NOS1AP: variants seen among roughly 807,000 people sequenced by gnomAD.
The protein encoded by NOS1AP is nitric oxide synthase 1 adaptor protein, also known as carboxyl-terminal PDZ ligand of neuronal nitric oxide synthase protein.
Under a neutral mutation model 56.2 loss-of-function variants are expected in NOS1AP, and 21 were observed. The observed-to-expected ratio is 0.37, with a 90% CI of 0.26 to 0.54. The LOEUF is 0.54. Among genes scored for constraint, NOS1AP ranks in the 20% least tolerant of loss-of-function variants. The probability of loss-of-function intolerance (pLI) is 0.84; values close to 1 mark genes in which losing one functional copy is unlikely to be tolerated. For missense variants in NOS1AP, 522 were observed against 657.8 expected, an observed-to-expected ratio of 0.79 and a Z score of 2.26; for synonymous variants, 270 against 274.6, an observed-to-expected ratio of 0.98 and a Z score of 0.17.
At chr1:162,243,825 C>G (rs781713039) in intron 2 of NOS1AP, among the ~76,000 whole-genome samples, 1 of 152,182 alleles carries the variant, frequency 6.6e-6, no homozygotes, top group Non-Finnish European at 1.5e-5. Context: ...CCTCATTTAA[C>G]CTGCAAAACA....
At chr1:162,113,799 C>A (rs951917847) in intron 1 of NOS1AP, among the ~76,000 whole-genome samples, 6 of 152,126 alleles carry the variant, frequency 3.9e-5, no homozygotes, top group African/African-American at 7.2e-5. Context: ...GGAGAGGACA[C>A]AAATCCAAAC....
intron 2 of NOS1AP, among the ~76,000 whole-genome samples, chr1:162,165,394 C>T (rs987649108): frequency 1.3e-5 from 2 of 152,196 alleles, no homozygotes; most frequent in Non-Finnish European, 2.9e-5. Context: ...TGAGTACAGA[C>T]TGCACTATGT....
intron 2 of NOS1AP, among the ~76,000 whole-genome samples, chr1:162,276,524 T>TA (rs200334461): frequency 0.032 from 4,174 of 129,206 alleles, 84 homozygotes; most frequent in Admixed American, 0.078. Flanking sequence ...CTGGGTAGCT[T>TA]AAAAAAAAAA....
intron 2 of NOS1AP, among the ~76,000 whole-genome samples, chr1:162,213,915 C>G (rs745357200): frequency 6.6e-6 from 1 of 152,226 alleles, no homozygotes; most frequent in Non-Finnish European, 1.5e-5. Context: ...CTAGAAGTAA[C>G]TTTACTTGTC....
chr1:162,267,445 A>T (rs772985301), intron 2 of NOS1AP, among the ~76,000 whole-genome samples: 1 of 146,934 alleles, frequency 6.8e-6, no homozygotes, highest in African/African-American at 2.4e-5. Context: ...GAAACAGTCA[A>T]TAAAGAGATT....
At chr1:162,127,793 C>T (rs1455484069) in intron 1 of NOS1AP, among the ~76,000 whole-genome samples, 1 of 152,144 alleles carries the variant, frequency 6.6e-6, no homozygotes, top group African/African-American at 2.4e-5. Context: ...CATGAGAAAC[C>T]CATTCCCATG....
intron 3 of NOS1AP, among the ~76,000 whole-genome samples, chr1:162,296,008 C>T (rs945678829): frequency 2.6e-5 from 4 of 151,948 alleles, no homozygotes; most frequent in East Asian, 3.9e-4. Flanking sequence ...CAACAGTGGC[C>T]GGGTGTGGTG....
intron 4 of NOS1AP, among the ~76,000 whole-genome samples, chr1:162,326,487 G>A (rs560759268): frequency 2.2e-4 from 33 of 152,300 alleles, no homozygotes; most frequent in African/African-American, 7.7e-4. Flanking sequence ...ATGTGTTTAT[G>A]TATAGGTACA....
At chr1:162,083,931 C>T (rs978779423) in intron 1 of NOS1AP, among the ~76,000 whole-genome samples, 1 of 152,148 alleles carries the variant, frequency 6.6e-6, no homozygotes, top group Non-Finnish European at 1.5e-5. Context: ...CTCAGCTGCT[C>T]ATTGGAATCT....
chr1:162,281,251 A>T lies in NOS1AP; in HGVS notation c.178-6093A>T, dbSNP rs568983085. Among the ~76,000 whole-genome samples, 5 of 152,366 alleles carry T rather than the reference A, an allele frequency of 3.3e-5. No individual in the cohort carries two copies. The South Asian group carries it at 1.0e-3, about 32-fold the overall frequency. Reference sequence around the variant, plus strand: ...CCTTGCACTTCGGAATGGAATCCAGATTTTAATAATTTGGTAATTAACTTC... The same window carrying T: ...CCTTGCACTTCGGAATGGAATCCAGTTTTTAATAATTTGGTAATTAACTTC... On this transcript the variant is annotated intron_variant, in intron 2 of 9. Transcript: ENST00000361897.
intron 1 of NOS1AP, among the ~76,000 whole-genome samples, chr1:162,130,289 G>T (rs1648693674): frequency 6.6e-6 from 1 of 152,224 alleles, no homozygotes; most frequent in East Asian, 1.9e-4. Flanking sequence ...CAGCCTGTAA[G>T]TGGCAGAACT....
At position 162,282,303 on chromosome 1, in the gene NOS1AP, C is replaced by G. The variant is rs537650566; in HGVS notation, c.178-5041C>G. 1.7e-3 allele frequency among the ~76,000 whole-genome samples: 252 copies of G among 152,240 alleles called. 1 individual carries two copies. Among genetic ancestry groups the G allele is most frequent in the African/African-American group, 5.7e-3 (236 of 41,548 alleles). Reference sequence around the variant, plus strand: ...ATTTGTCTCTGTAAGTTTGACAACCCTAGGGACTTCATATAAGTGGAATCA... The same window carrying G: ...ATTTGTCTCTGTAAGTTTGACAACCGTAGGGACTTCATATAAGTGGAATCA... On this transcript the variant is annotated intron_variant, in intron 2 of 9. Transcript: ENST00000361897.
intron 3 of NOS1AP, among the ~76,000 whole-genome samples, chr1:162,294,545 A>G (rs1044030871): frequency 1.3e-5 from 2 of 152,178 alleles, no homozygotes; most frequent in African/African-American, 2.4e-5. Flanking sequence ...GAAAATGTTT[A>G]CTAATCGAGA....
At chr1:162,098,717 T>G (rs1571008006) in intron 1 of NOS1AP, among the ~76,000 whole-genome samples, 1 of 152,188 alleles carries the variant, frequency 6.6e-6, no homozygotes, top group East Asian at 1.9e-4. Flanking sequence ...CTTGTGTCCA[T>G]GTGTTCTCAT....
chr1:162,188,515 T>G lies in NOS1AP; in HGVS notation c.177+34039T>G, dbSNP rs1010065725. ...ACTCTTGTTTGTGGGCTCTGATATA[T>G]GCCACACAGCCTACAACTCGACTCT... On this transcript the variant is annotated intron_variant, in intron 2 of 9. Coordinates refer to ENST00000361897, the MANE Select transcript of NOS1AP (RefSeq NM_014697.3). This position sits in a 1 kb window ranked among gnomAD's most constrained non-coding sequence, Gnocchi z 4.0. 2.0e-5 allele frequency among the ~76,000 whole-genome samples: 3 copies of G among 152,190 alleles called. No homozygotes were observed. The highest frequency in any genetic ancestry group is 7.2e-5 in the African/African-American group (3 of 41,456).
intron 6 of NOS1AP, among the ~76,000 whole-genome samples, chr1:162,345,837 G>A (rs1176790524): frequency 6.6e-6 from 1 of 152,208 alleles, no homozygotes; most frequent in Non-Finnish European, 1.5e-5. Context: ...TTAAAATGCT[G>A]AGCCTGGTGC....
chr1:162,178,893 A>G, intron 2 of NOS1AP, among the ~76,000 whole-genome samples: 1 of 152,192 alleles, frequency 6.6e-6, no homozygotes, highest in East Asian at 1.9e-4. Flanking sequence ...ACCAAAGTAA[A>G]AAGACTAGTT....
chr1:162,109,740 G>A (rs372961422), intron 1 of NOS1AP, among the ~76,000 whole-genome samples: 8 of 151,904 alleles, frequency 5.3e-5, no homozygotes, highest in South Asian at 2.1e-4. Context: ...TTGTACATCC[G>A]AGATAAGTTC....
intron 2 of NOS1AP, among the ~76,000 whole-genome samples, chr1:162,221,534 G>GCACACACACACA (rs35920520): frequency 4.6e-4 from 34 of 73,464 alleles, no homozygotes; most frequent in African/African-American, 1.0e-3. Context: ...ACACACGCGC[G>GCACACACACACA]CACACACACA....
Sources: gnomAD v4.1 joint callset for allele counts (sites outside exome capture counted in the v4.1 genomes callset) on GRCh38, gnomAD v4.1.1 for gene constraint, Gnocchi (gnomAD v3.1) non-coding constraint, MANE v1.5 for transcripts, NCBI Gene and HGNC (gene_info 2026-07-23, HGNC 2026-07-21) for gene names.